Variants in SCP2 observed in about 807,000 individuals in gnomAD.
SCP2 encodes sterol carrier protein 2.
Under a neutral mutation model 71.4 loss-of-function variants are expected in SCP2, and 48 were observed. The observed-to-expected ratio is 0.67, with a 90% confidence interval of 0.53 to 0.86. The LOEUF is 0.86. SCP2 is among the 40% of genes least tolerant of loss of function. SCP2 has a pLI of 0.00. For synonymous variants in SCP2, 220 were observed against 218.1 expected (o/e 1.01, Z -0.08); for missense variants, 560 against 655.6 (o/e 0.85, Z 1.59).
intron 13 of SCP2, among the ~76,000 whole-genome samples, chr1:53,036,036 A>G (rs112734040): frequency 2.1e-4 from 31 of 147,868 alleles, no homozygotes; most frequent in Middle Eastern, 3.6e-3. Flanking sequence ...AAAAAAAAAA[A>G]AAAAGAAAAC....
At chr1:52,966,810 T>C (rs1657004947) in intron 6 of SCP2, among the ~76,000 whole-genome samples, 1 of 151,798 alleles carries the variant, frequency 6.6e-6, no homozygotes, top group South Asian at 2.1e-4. Context: ...GGAGAATCAC[T>C]TCAACCCGGG....
chr1:52,976,374 T>G (rs1387199378), intron 7 of SCP2, among the ~76,000 whole-genome samples: 2 of 152,156 alleles, frequency 1.3e-5, no homozygotes, highest in African/African-American at 4.8e-5. Context: ...ATTTTCAAGA[T>G]AACAAGGCCC....
chr1:53,024,576 TC>T (rs57397348), intron 12 of SCP2, among the ~76,000 whole-genome samples: 13,990 of 148,544 alleles, frequency 0.094, 1,296 homozygotes, highest in African/African-American at 0.21. Flanking sequence ...TCTTTTTTTT[TC>T]TTTTTTTTTT....
intron 6 of SCP2, among the ~76,000 whole-genome samples, chr1:52,964,503 G>C (rs1045328223): frequency 2.0e-5 from 3 of 151,606 alleles, no homozygotes; most frequent in African/African-American, 7.3e-5. Flanking sequence ...CCTGGCCCAG[G>C]TTTGTCGATT....
chr1:53,029,458 G>A (rs10437066), intron 13 of SCP2, among the ~76,000 whole-genome samples: 48,107 of 152,018 alleles, frequency 0.32, 12,719 homozygotes, highest in African/African-American at 0.72. Flanking sequence ...ATCTGAGACC[G>A]TATAAGGCAT....
intron 1 of SCP2, among the ~76,000 whole-genome samples, chr1:52,929,837 A>G (rs1332576752): frequency 6.6e-6 from 1 of 152,006 alleles, no homozygotes; most frequent in Admixed American, 6.6e-5. Flanking sequence ...GTTAGCCAGG[A>G]TGGTCTTAAC....
chr1:53,029,738 C>T (rs17107661), intron 13 of SCP2, among the ~76,000 whole-genome samples: 20,920 of 152,112 alleles, frequency 0.14, 2,058 homozygotes, highest in East Asian at 0.32. Flanking sequence ...AATCTACAAC[C>T]GTCCTGAGGG....
chr1:52,977,253 C>G (rs1477685059), intron 8 of SCP2, among the ~76,000 whole-genome samples: 1 of 152,208 alleles, frequency 6.6e-6, no homozygotes, highest in Non-Finnish European at 1.5e-5. Flanking sequence ...TAGCTCCTGC[C>G]TGTGTCCTAG....
At position 53,050,641 on chromosome 1, in the gene SCP2, C is replaced by G; in HGVS notation, c.1581C>G (p.Gly527=). ...TTCAAGGCAAATTGAAAATCACTGG[C>G]AACATGGGTCTCGCTATGAAGTTAC... ...AFFQGKLKIT[G]NMGLAMKLQN... Residue 527 remains glycine, a synonymous_variant, in exon 16 of 16, where the codon GGC becomes GGG. Coordinates refer to ENST00000371514, the MANE Select transcript of SCP2 (RefSeq NM_002979.5). 6.2e-7 allele frequency: 1 copy of G among 1,613,536 alleles called. No individual in the cohort carries two copies. Among genetic ancestry groups the G allele is most frequent in the Non-Finnish European group, 8.5e-7 (1 of 1,179,544 alleles).
At chr1:53,017,693 T>C (rs1661428179) in intron 12 of SCP2, among the ~76,000 whole-genome samples, 1 of 152,134 alleles carries the variant, frequency 6.6e-6, no homozygotes, top group Non-Finnish European at 1.5e-5. Flanking sequence ...AGATCCTAAG[T>C]CATATAAGAA....
chr1:52,993,752 A>G, intron 11 of SCP2: 3 of 1,599,338 alleles, frequency 1.9e-6, no homozygotes, highest in Non-Finnish European at 2.6e-6. Flanking sequence ...AGACTCCTGC[A>G]TGCCTCCTCA....
chr1:52,994,755 T>C, intron 11 of SCP2: 1 of 678,544 alleles, frequency 1.5e-6, no homozygotes, highest in Non-Finnish European at 2.5e-6. Context: ...TCCAGGCCTG[T>C]CAGTGTGGCA....
At chr1:52,956,902 CTTTTTTTT>C (rs370787153) in intron 5 of SCP2, among the ~76,000 whole-genome samples, 35,304 of 106,314 alleles carry the variant, frequency 0.33, 4,376 homozygotes, top group East Asian at 0.63. Flanking sequence ...CTCCTTCTGC[CTTTTTTTT>C]TTTTTTTTTT....
intron 12 of SCP2, among the ~76,000 whole-genome samples, chr1:53,025,753 C>T (rs781534676): frequency 1.3e-5 from 2 of 152,226 alleles, no homozygotes; most frequent in African/African-American, 2.4e-5. Context: ...CTAGTGCCCA[C>T]TCCTCTTGCT....
At chr1:52,973,777 G>T (rs1572116835) in intron 6 of SCP2, among the ~76,000 whole-genome samples, 1 of 152,132 alleles carries the variant, frequency 6.6e-6, no homozygotes, top group Admixed American at 6.5e-5. Flanking sequence ...AATTTTTGTA[G>T]TTTTACTAGA....
At chr1:52,941,563 C>T (rs1002538552) in intron 1 of SCP2, among the ~76,000 whole-genome samples, 11 of 151,876 alleles carry the variant, frequency 7.2e-5, no homozygotes, top group Non-Finnish European at 1.5e-4. Context: ...GGTGAAACCC[C>T]GTCTCTACTA....
chr1:52,962,733 G>A (rs1656584090), intron 6 of SCP2, among the ~76,000 whole-genome samples: 1 of 151,986 alleles, frequency 6.6e-6, no homozygotes, highest in African/African-American at 2.4e-5. Flanking sequence ...CAGCTCCCTT[G>A]CTTCCATCAG....
chr1:52,973,891 C>T (rs906119493), intron 6 of SCP2, among the ~76,000 whole-genome samples: 1 of 152,182 alleles, frequency 6.6e-6, no homozygotes, highest in Non-Finnish European at 1.5e-5. Flanking sequence ...CATGAGCCAT[C>T]GCGCTTGGCC....
At chr1:52,982,040 A>G (rs1017692601) in intron 10 of SCP2, among the ~76,000 whole-genome samples, 1 of 151,258 alleles carries the variant, frequency 6.6e-6, no homozygotes, top group Admixed American at 6.6e-5. Context: ...TTTTTTCACC[A>G]TATCTCTTTG....
Sources: gnomAD v4.1 joint callset for allele counts (sites outside exome capture counted in the v4.1 genomes callset) on GRCh38, gnomAD v4.1.1 for gene constraint, MANE v1.5 for transcripts, NCBI Gene and HGNC (gene_info 2026-07-23, HGNC 2026-07-21) for gene names.